The following SLC12A1 variants were observed in gnomAD, a reference collection of about 807,000 sequenced individuals.
The protein encoded by SLC12A1 is Na-K-2Cl cotransporter.
SLC12A1 carries 89 observed loss-of-function variants against 130.4 expected under a neutral mutation model. That is an observed-to-expected ratio of 0.68 (90% confidence interval 0.58 to 0.81). The LOEUF (loss-of-function observed/expected upper bound fraction) is 0.81. Among genes scored for constraint, SLC12A1 ranks in the 40% least tolerant of loss-of-function variants. The pLI is 0.00. For synonymous variants in SLC12A1, 499 were observed against 460.0 expected (o/e 1.08, Z -1.09); for missense variants, 1,310 against 1,336.4 (o/e 0.98, Z 0.31).
intron 1 of SLC12A1, among the ~76,000 whole-genome samples, chr15:48,206,682 C>T (rs1447034025): frequency 2.0e-5 from 3 of 151,902 alleles, no homozygotes; most frequent in South Asian, 2.1e-4. Context: ...TATGAAATTG[C>T]GAAAATTATT....
chr15:48,270,841 A>T (rs1449959121), intron 19 of SLC12A1, among the ~76,000 whole-genome samples: 1 of 56,760 alleles, frequency 1.8e-5, no homozygotes, highest in African/African-American at 4.8e-5. Context: ...TGGAGTATAC[A>T]TATATACTTC....
In SLC12A1 at chr15:48,259,217, TA is replaced by T; in HGVS notation, c.2062del (p.Thr688GlnfsTer5). 6.2e-7 allele frequency: 1 copy of T among 1,612,676 alleles called. No homozygotes were observed. Among genetic ancestry groups the T allele is most frequent in the East Asian group, 2.2e-5 (1 of 44,882 alleles). On this transcript the variant is annotated frameshift_variant, in exon 17 of 27. Transcript: ENST00000380993. LOFTEE classifies it high-confidence loss of function. ...VKNFRPQCIV[L>X]TGGPMTRPAL... is the part of the protein sequence containing the mutation. ...ACTTCCAGGCCCCAGTGCATTGTCTTAACAGGGGGACCCATGACAAGACCTG... is the reference window on the plus strand; with the variant it reads ...ACTTCCAGGCCCCAGTGCATTGTCTTACAGGGGGACCCATGACAAGACCTG...
intron 2 of SLC12A1, among the ~76,000 whole-genome samples, chr15:48,213,346 T>C (rs2041077963): frequency 6.6e-6 from 1 of 152,182 alleles, no homozygotes; most frequent in Non-Finnish European, 1.5e-5. Flanking sequence ...AGTCCTTTTT[T>C]CTGAGACTGT....
chr15:48,274,613 C>A lies in SLC12A1; in HGVS notation c.2445C>A (p.Ile815=), dbSNP rs1051248746. ...AGATTGGCGTGGTTATAGTCAGAAT[C>A]AGCCAAGGATTTGACATCTCTCAGG... is the stretch of plus-strand genomic sequence containing the variant. The part of the protein sequence containing the change: ...DFEIGVVIVR[I]SQGFDISQVL... The change falls in exon 20 of 27, where the codon ATC becomes ATA. Residue 815 remains isoleucine (I), a synonymous_variant. Transcript: ENST00000380993. 1 of 1,613,212 alleles carries A rather than the reference C, an allele frequency of 6.2e-7. No homozygotes were observed. The highest frequency in any genetic ancestry group is 1.1e-5 in the South Asian group (1 of 91,022).
At chr15:48,236,001 G>A (rs2041435309) in intron 9 of SLC12A1, among the ~76,000 whole-genome samples, 2 of 151,972 alleles carry the variant, frequency 1.3e-5, no homozygotes, top group South Asian at 4.2e-4. Flanking sequence ...GTCTGTATCT[G>A]GGCAGCCACA....
intron 15 of SLC12A1, among the ~76,000 whole-genome samples, chr15:48,252,462 TTAGA>T (rs2041659168): frequency 6.6e-6 from 1 of 152,104 alleles, no homozygotes; most frequent in African/African-American, 2.4e-5. Flanking sequence ...TCCTGATAAA[TTAGA>T]TATAGTCCCT....
chr15:48,215,769 T>C (rs1406135924), intron 2 of SLC12A1, among the ~76,000 whole-genome samples: 1 of 152,236 alleles, frequency 6.6e-6, no homozygotes, highest in Non-Finnish European at 1.5e-5. Context: ...AACTGTAAGA[T>C]GGCAAACAGA....
At chr15:48,210,402 A>C (rs1351886949) in intron 2 of SLC12A1, among the ~76,000 whole-genome samples, 2 of 152,196 alleles carry the variant, frequency 1.3e-5, no homozygotes, top group Non-Finnish European at 2.9e-5. Flanking sequence ...AAGAAAATAG[A>C]ATTCTAACTT....
At chr15:48,224,139 T>C (rs925299113) in intron 4 of SLC12A1, 1 of 152,206 alleles carries the variant, frequency 6.6e-6, no homozygotes, top group African/African-American at 2.4e-5. Flanking sequence ...CTATGGAGCA[T>C]TCACTTTACA....
chr15:48,280,253 T>A (rs1273083343), intron 20 of SLC12A1, among the ~76,000 whole-genome samples: 3 of 151,908 alleles, frequency 2.0e-5, no homozygotes, highest in Non-Finnish European at 4.4e-5. Context: ...TCACTCCAAC[T>A]GGGTACCATA....
At chr15:48,221,086 T>G (rs1028721464) in intron 4 of SLC12A1, 90 bp downstream of exon 4, 9 of 1,181,394 alleles carry the variant, frequency 7.6e-6, no homozygotes, top group African/African-American at 1.5e-5. Flanking sequence ...GAATGTGAGA[T>G]GAAGGTCACA....
intron 21 of SLC12A1, among the ~76,000 whole-genome samples, chr15:48,287,826 T>C (rs1431234616): frequency 6.6e-6 from 1 of 152,224 alleles, no homozygotes; most frequent in African/African-American, 2.4e-5. Flanking sequence ...GTTTTACTTA[T>C]TGACTGTCAA....
Position 48,259,326 on chromosome 15 carries a change from A to AC in SLC12A1, c.2154+19dup. On this transcript the variant is annotated intron_variant, in intron 17 of 26. Coordinates refer to ENST00000380993, the MANE Select transcript of SLC12A1 (RefSeq NM_000338.3). ...AAGTCTTTGTGGTAAGAGCCACTTC[A>AC]CCCCAGGGAAGTCCTTTTTCCTCCC... is the stretch of plus-strand genomic sequence containing the variant. 1 of 1,521,434 alleles carries AC rather than the reference A, an allele frequency of 6.6e-7. No individual in the cohort carries two copies. The highest frequency in any genetic ancestry group is 9.1e-7 in the Non-Finnish European group (1 of 1,095,482). The allele number at this position is 1,521,434 out of a possible 1,614,324, so 94.2% of individuals were successfully genotyped here.
intron 10 of SLC12A1, among the ~76,000 whole-genome samples, 178 bp from the exon 11 acceptor site, chr15:48,244,575 G>A (rs993759086): frequency 2.0e-5 from 3 of 152,164 alleles, no homozygotes; most frequent in African/African-American, 7.2e-5. Context: ...GCCTGTTACA[G>A]AAAACGGGAA....
intron 20 of SLC12A1, among the ~76,000 whole-genome samples, chr15:48,282,029 A>T (rs2042013283): frequency 6.6e-6 from 1 of 152,198 alleles, no homozygotes; most frequent in Non-Finnish European, 1.5e-5. Flanking sequence ...TTTAGTGTTG[A>T]AATGCGAAAA....
rs2041451873 is a variant in SLC12A1, at chr15:48,237,345, A to C, written c.1215+2341A>C. 4 of 174,856 alleles carry C rather than the reference A, an allele frequency of 2.3e-5. No individual in the cohort carries two copies. In the South Asian group the frequency reaches 7.4e-4, roughly 32 times the overall value. The allele number at this position is 174,856 out of a possible 1,614,324, so 10.8% of individuals were successfully genotyped here. Reference sequence around the variant, plus strand: ...TAATATATTAATAAACATATTTATAAATAATTTTCTATGTGTCCTAAGTAC... The same window carrying C: ...TAATATATTAATAAACATATTTATACATAATTTTCTATGTGTCCTAAGTAC... On this transcript the variant is annotated intron_variant, in intron 9 of 26. Transcript: ENST00000380993.
intron 15 of SLC12A1, among the ~76,000 whole-genome samples, chr15:48,252,974 G>A (rs2041664862): frequency 6.6e-6 from 1 of 152,168 alleles, no homozygotes; most frequent in Admixed American, 6.5e-5. Context: ...ATAGGAAGAT[G>A]CCACAGGCTA....
At chr15:48,221,711 T>C (rs1243441761) in intron 4 of SLC12A1, among the ~76,000 whole-genome samples, 2 of 152,224 alleles carry the variant, frequency 1.3e-5, no homozygotes, top group African/African-American at 4.8e-5. Context: ...AAAGTTTTTA[T>C]GAAAAATCTA....
intron 23 of SLC12A1, among the ~76,000 whole-genome samples, chr15:48,289,461 A>C (rs2042097422): frequency 8.3e-6 from 1 of 119,772 alleles, no homozygotes. Context: ...TATAATGTAT[A>C]ATGTATAACA....
Sources: allele counts gnomAD v4.1 joint callset (sites outside exome capture counted in the v4.1 genomes callset), GRCh38; gene constraint gnomAD v4.1.1; transcripts MANE v1.5; gene names NCBI Gene and HGNC (gene_info 2026-07-23, HGNC 2026-07-21).